Variants in DYSF observed in about 807,000 individuals in gnomAD.
DYSF encodes the protein dystrophy-associated fer-1-like 1.
Under a neutral mutation model 274.9 loss-of-function variants are expected in DYSF, and 212 were observed. That is an observed-to-expected ratio of 0.77 (90% CI 0.69 to 0.86). The LOEUF (loss-of-function observed/expected upper bound fraction) is 0.86, where lower values mean the gene tolerates loss of function less well. Among genes scored for constraint, DYSF ranks in the 40% least tolerant of loss-of-function variants. The pLI, the probability that DYSF is intolerant of heterozygous loss-of-function variation, is 0.00. For synonymous variants in DYSF, 1,091 were observed against 1,078.7 expected (o/e 1.01, Z -0.22); for missense variants, 2,666 against 2,783.2 (o/e 0.96, Z 0.95).
At chr2:71,523,100 G>T (rs2087480984) in intron 12 of DYSF, among the ~76,000 whole-genome samples, 1 of 152,138 alleles carries the variant, frequency 6.6e-6, no homozygotes, top group Admixed American at 6.5e-5. Context: ...TCCAGAATTG[G>T]CACAGTGCTT....
chr2:71,649,881 A>G (rs2094626382), intron 42 of DYSF, among the ~76,000 whole-genome samples: 1 of 152,232 alleles, frequency 6.6e-6, no homozygotes, highest in Non-Finnish European at 1.5e-5. Context: ...AAGTTTGAAA[A>G]TAAGATTAAG....
intron 29 of DYSF, among the ~76,000 whole-genome samples, chr2:71,571,938 ACAGATCACACC>A (rs2092499982): frequency 7.2e-6 from 1 of 139,004 alleles, no homozygotes. Context: ...CAGATCACAC[ACAGATCACACC>A]CAGCACACCC....
chr2:71,489,524 C>T (rs1558986617), intron 3 of DYSF, among the ~76,000 whole-genome samples: 2 of 152,338 alleles, frequency 1.3e-5, no homozygotes, highest in East Asian at 1.9e-4. Context: ...GCCATCTGGG[C>T]GGAGGCAAGG....
chr2:71,659,667 C>T (rs2094841341), intron 44 of DYSF, among the ~76,000 whole-genome samples: 1 of 152,228 alleles, frequency 6.6e-6, no homozygotes, highest in African/African-American at 2.4e-5. Context: ...CCCTTCCTTA[C>T]ATTTTGTGCC....
intron 47 of DYSF, among the ~76,000 whole-genome samples, chr2:71,665,872 C>CT (rs2094993570): frequency 6.6e-6 from 1 of 151,844 alleles, no homozygotes; most frequent in African/African-American, 2.4e-5. Context: ...CTCCGTGTGT[C>CT]TGAGATGCCC....
At chr2:71,467,001 C>G in intron 1 of DYSF, 68 bp downstream of exon 1, 1 of 1,525,720 alleles carries the variant, frequency 6.6e-7, no homozygotes, top group Non-Finnish European at 8.8e-7. Context: ...ACTGGCGGGT[C>G]TGAAGCCCCT....
intron 41 of DYSF, among the ~76,000 whole-genome samples, chr2:71,635,334 G>A (rs2094382145): frequency 1.3e-5 from 2 of 152,162 alleles, no homozygotes; most frequent in South Asian, 4.2e-4. Flanking sequence ...AAAAGCCAAG[G>A]ATCACCCCCT....
intron 47 of DYSF, among the ~76,000 whole-genome samples, chr2:71,666,239 G>A (rs916394295): frequency 1.3e-5 from 2 of 152,188 alleles, no homozygotes; most frequent in African/African-American, 4.8e-5. Flanking sequence ...TGGTCATAAA[G>A]TCATAGGAAA....
chr2:71,654,857 T>C (rs757869351), intron 42 of DYSF, among the ~76,000 whole-genome samples: 17 of 152,148 alleles, frequency 1.1e-4, no homozygotes, highest in Non-Finnish European at 2.4e-4. Context: ...AGTGGGAGGA[T>C]TGCTTGAGTC....
chr2:71,656,098 C>A, intron 42 of DYSF, 64 bp from the exon 43 acceptor site: 2 of 1,596,004 alleles, frequency 1.3e-6, no homozygotes, highest in Non-Finnish European at 1.7e-6. Context: ...TGTTTCCTTT[C>A]CTTTGCTGTT....
intron 40 of DYSF, among the ~76,000 whole-genome samples, chr2:71,614,585 C>T (rs188436206): frequency 1.7e-3 from 263 of 152,258 alleles, no homozygotes; most frequent in Admixed American, 4.0e-3. Flanking sequence ...GTGAGACTTG[C>T]CTATCTTTGG....
rs184118240 is a variant in DYSF at position 71,490,338 on chromosome 2, G to A, written c.239+8368G>A. Among the ~76,000 whole-genome samples the A allele has an allele frequency of 1.5e-3, 235 of 152,212 alleles. 4 individuals are homozygous for A. The highest frequency in any genetic ancestry group is 6.5e-4 in the Admixed American group (10 of 15,278). ...GTGCCCATTGTTAACGATTTGGTGC[G>A]TATCTTTCTTTCTTTTTTGAGACAG... On this transcript the variant is annotated intron_variant, in intron 3 of 55. Transcript: ENST00000410020.
chr2:71,559,926 C>T (rs1263995942), intron 22 of DYSF, among the ~76,000 whole-genome samples: 1 of 152,224 alleles, frequency 6.6e-6, no homozygotes, highest in Non-Finnish European at 1.5e-5. Flanking sequence ...TCTTTCAGGC[C>T]GGACACTGCC....
intron 30 of DYSF, among the ~76,000 whole-genome samples, chr2:71,581,365 C>T (rs906658999): frequency 1.3e-5 from 2 of 152,222 alleles, no homozygotes; most frequent in Non-Finnish European, 2.9e-5. Flanking sequence ...AATGGGGTTG[C>T]ACTCTCGCCT....
chr2:71,582,012 C>T (rs1558532984), intron 30 of DYSF, among the ~76,000 whole-genome samples: 2 of 139,412 alleles, frequency 1.4e-5, no homozygotes, highest in Admixed American at 8.1e-5. Flanking sequence ...GAGGCTGAGA[C>T]AGGAGAATTG....
At chr2:71,486,196 G>A (rs557957364) in intron 3 of DYSF, among the ~76,000 whole-genome samples, 6 of 152,018 alleles carry the variant, frequency 3.9e-5, no homozygotes, top group South Asian at 2.1e-4. Context: ...GAGCTCCCCC[G>A]CTGTCCAACC....
intron 42 of DYSF, among the ~76,000 whole-genome samples, chr2:71,645,614 A>G (rs1572932718): frequency 7.1e-6 from 1 of 140,096 alleles, no homozygotes; most frequent in East Asian, 2.2e-4. Context: ...CATTTGGGCA[A>G]GAAAACAGAA....
At chr2:71,492,723 G>C (rs78822991) in intron 3 of DYSF, among the ~76,000 whole-genome samples, 1 of 109,112 alleles carries the variant, frequency 9.2e-6, no homozygotes, top group African/African-American at 3.7e-5. Flanking sequence ...TCTTTCTCTC[G>C]TCTCTCCCTT....
At chr2:71,677,769 G>A (rs531062473) in intron 52 of DYSF, among the ~76,000 whole-genome samples, 2 of 152,302 alleles carry the variant, frequency 1.3e-5, no homozygotes, top group Admixed American at 6.5e-5. Context: ...GGCTGCTGTG[G>A]AAAACTGTTT....
Sources: gnomAD v4.1 joint callset for allele counts (sites outside exome capture counted in the v4.1 genomes callset) on GRCh38, gnomAD v4.1.1 for gene constraint, MANE v1.5 for transcripts, NCBI Gene and HGNC (gene_info 2026-07-23, HGNC 2026-07-21) for gene names.